NRIP1: variants seen among roughly 807,000 people sequenced by gnomAD.
The protein encoded by NRIP1 is nuclear receptor-interacting protein 1.
NRIP1 carries 28 observed loss-of-function variants against 75.0 expected under a neutral mutation model. That is an observed-to-expected ratio of 0.37 (90% confidence interval 0.28 to 0.51). NRIP1 has a LOEUF of 0.51. Among genes scored for constraint, NRIP1 ranks in the 20% least tolerant of loss-of-function variants. The probability of loss-of-function intolerance (pLI) is 0.92; values close to 1 mark genes in which losing one functional copy is unlikely to be tolerated. For missense variants in NRIP1, 1,435 were observed against 1,343.7 expected (o/e 1.07, Z -1.06); for synonymous variants, 526 against 487.6 (o/e 1.08, Z -1.04).
At chr21:15,029,914 C>G (rs549707592) in intron 2 of NRIP1, among the ~76,000 whole-genome samples, 12 of 152,338 alleles carry the variant, frequency 7.9e-5, no homozygotes, top group African/African-American at 2.6e-4. Context: ...CATATCCTCA[C>G]CAGCTGTGAC....
chr21:15,014,211 G>A (rs2088174238), intron 3 of NRIP1, 133 bp downstream of exon 3: 1 of 368,200 alleles, frequency 2.7e-6, no homozygotes. Flanking sequence ...GCCTGATGAA[G>A]TAACTTGCAC....
rs562469469 is a variant in NRIP1 at position 15,000,072 on chromosome 21, T to C, written c.-335+14272A>G. Among the ~76,000 whole-genome samples the C allele has an allele frequency of 1.8e-4, 27 of 152,258 alleles. 2 individuals carry two copies. In the South Asian group the frequency reaches 5.6e-3, roughly 32 times the overall value. ...TATGAGGGGAAAGAATAGAGGCAAT[T>C]TGAAGGGAAGAAGAACTCAAAGCAC... On this transcript the variant is annotated intron_variant, in intron 3 of 3. Coordinates refer to ENST00000318948, the MANE Select transcript of NRIP1 (RefSeq NM_003489.4).
At chr21:14,983,220 A>G (rs946248621) in intron 3 of NRIP1, among the ~76,000 whole-genome samples, 16 of 152,178 alleles carry the variant, frequency 1.1e-4, no homozygotes, top group African/African-American at 3.6e-4. Context: ...TACAAAAAAA[A>G]AAAACAATTA....
intron 2 of NRIP1, among the ~76,000 whole-genome samples, chr21:15,031,623 A>G (rs111845582): frequency 0.013 from 680 of 53,354 alleles, no homozygotes; most frequent in African/African-American, 0.03. Context: ...TTCTATGTGT[A>G]TACACTCTGG....
At chr21:14,999,045 T>C (rs1215860142) in intron 3 of NRIP1, among the ~76,000 whole-genome samples, 1 of 152,158 alleles carries the variant, frequency 6.6e-6, no homozygotes, top group African/African-American at 2.4e-5. Context: ...TGCTCTGTTG[T>C]CCAGGCTGGA....
intron 2 of NRIP1, among the ~76,000 whole-genome samples, chr21:15,037,523 G>A (rs1416257675): frequency 2.6e-5 from 4 of 152,072 alleles, no homozygotes; most frequent in Admixed American, 2.6e-4. Context: ...TGAATGAAAC[G>A]CTATGAAAAA....
intron 2 of NRIP1, among the ~76,000 whole-genome samples, chr21:15,037,190 T>C (rs2088855266): frequency 6.6e-6 from 1 of 152,208 alleles, no homozygotes; most frequent in African/African-American, 2.4e-5. Context: ...GTCTGAGTAC[T>C]GTCATAATTA....
intron 2 of NRIP1, among the ~76,000 whole-genome samples, chr21:15,031,593 G>T (rs1322251864): frequency 8.3e-6 from 1 of 120,792 alleles, no homozygotes; most frequent in East Asian, 2.5e-4. Flanking sequence ...GAAGGCGCTC[G>T]GAGGATCACC....
chr21:14,966,048 C>G lies in NRIP1; in HGVS notation c.2145G>C (p.Leu715Phe). The change falls in exon 4 of 4, where the codon TTG (leucine) becomes TTC (phenylalanine). Residue 715 changes from leucine (L) to phenylalanine (F), a missense_variant. Transcript: ENST00000318948. ...TCCCTTTGTTGGGGTTCCCCAGGAG[C>G]AACTGGAGGACAGTACGTCTTTCAA... ...NLLERRTVLQ[L>F]LLGNPNKGKS... The G allele has an allele frequency of 6.2e-7, 1 of 1,612,688 alleles. No homozygotes were observed. The highest frequency in any genetic ancestry group is 8.5e-7 in the Non-Finnish European group (1 of 1,179,832).
intron 1 of NRIP1, chr21:15,050,606 GTCTAAGTTCAAACACACTTCAA>G (rs1305842535): frequency 2.6e-6 from 1 of 384,242 alleles, no homozygotes; most frequent in African/African-American, 2.1e-5. Flanking sequence ...ATAGGTTAGA[GTCTAAGTTCAAACACACTTCAA>G]ACTCACGTGA....
At chr21:15,029,280 G>A (rs2088590037) in intron 2 of NRIP1, among the ~76,000 whole-genome samples, 1 of 152,020 alleles carries the variant, frequency 6.6e-6, no homozygotes. Flanking sequence ...CTCATCTCCT[G>A]TGACCCTCCC....
chr21:14,961,592 C>T lies in NRIP1; in HGVS notation c.*3124G>A, dbSNP rs1296438588. ...ATTAAAAAAATTCTTTAAGACCCTT[C>T]GAATCAAAGCACATTCTTTCACAAA... is the stretch of plus-strand genomic sequence containing the variant. On this transcript the variant is annotated 3_prime_UTR_variant, in exon 4 of 4. Transcript: ENST00000318948. The T allele has an allele frequency of 6.6e-6, 1 of 152,356 alleles. No individual in the cohort carries two copies. Among genetic ancestry groups the T allele is most frequent in the African/African-American group, 2.4e-5 (1 of 41,412 alleles). 9.4% of individuals were successfully genotyped at this position (152,356 alleles called of 1,614,324 possible). A position where few individuals can be genotyped will look rare whatever the true frequency, so the allele number is the denominator to read the frequency against.
At chr21:15,026,896 G>A (rs1327297030) in intron 2 of NRIP1, among the ~76,000 whole-genome samples, 1 of 151,956 alleles carries the variant, frequency 6.6e-6, no homozygotes, top group African/African-American at 2.4e-5. Flanking sequence ...AGTGTAACTG[G>A]GTTGTTTGCA....
chr21:15,064,270 T>C (rs1978629942), intron 1 of NRIP1, among the ~76,000 whole-genome samples: 1 of 152,268 alleles, frequency 6.6e-6, no homozygotes, highest in East Asian at 1.9e-4. Flanking sequence ...CCTTTTCCTA[T>C]TCACTTTCCC....
At chr21:15,040,849 G>A (rs1267871218) in intron 2 of NRIP1, among the ~76,000 whole-genome samples, 1 of 152,014 alleles carries the variant, frequency 6.6e-6, no homozygotes, top group Non-Finnish European at 1.5e-5. Context: ...TTTACATTAA[G>A]TCAAAGAAAA....
intron 2 of NRIP1, among the ~76,000 whole-genome samples, chr21:15,040,264 A>G (rs183456334): frequency 5.9e-5 from 9 of 152,192 alleles, no homozygotes; most frequent in Admixed American, 2.0e-4. Context: ...AAAGGATAAC[A>G]TTTTGCAGAT....
chr21:14,981,952 AAGCGATCCTCCTACCTC>A (rs1169285008), intron 3 of NRIP1, among the ~76,000 whole-genome samples: 1 of 151,514 alleles, frequency 6.6e-6, no homozygotes, highest in African/African-American at 2.4e-5. Context: ...CCCCAGGATC[AAGCGATCCTCCTACCTC>A]AGCATCCTGA....
At chr21:14,998,588 G>A (rs2087784813) in intron 3 of NRIP1, among the ~76,000 whole-genome samples, 1 of 152,162 alleles carries the variant, frequency 6.6e-6, no homozygotes, top group South Asian at 2.1e-4. Context: ...TGCACCGTGT[G>A]GGTCCACTTA....
At chr21:14,976,565 T>C (rs768704866) in intron 3 of NRIP1, among the ~76,000 whole-genome samples, 4 of 152,296 alleles carry the variant, frequency 2.6e-5, no homozygotes, top group South Asian at 2.1e-4. Context: ...GGGTGCTATA[T>C]TGATTCTCTA....
Sources: allele counts gnomAD v4.1 joint callset (sites outside exome capture counted in the v4.1 genomes callset), GRCh38; gene constraint gnomAD v4.1.1; transcripts MANE v1.5; gene names NCBI Gene and HGNC (gene_info 2026-07-23, HGNC 2026-07-21).